KAZN: variants seen among roughly 807,000 people sequenced by gnomAD.
KAZN encodes the protein kazrin.
KAZN carries 40 observed loss-of-function variants against 87.4 expected under a neutral mutation model. The ratio of observed to expected loss-of-function variants is 0.46; its 90% CI spans 0.36 to 0.60. The LOEUF (loss-of-function observed/expected upper bound fraction) is 0.60, where lower values mean the gene tolerates loss of function less well. KAZN is among the 20% of genes least tolerant of loss of function. KAZN has a pLI of 0.00. For synonymous variants in KAZN, 466 were observed against 458.3 expected (o/e 1.02, Z -0.22); for missense variants, 898 against 1,073.9 (o/e 0.84, Z 2.29).
At chr1:14,409,425 G>C (rs1004027632) in intron 2 of KAZN, among the ~76,000 whole-genome samples, 51 of 152,188 alleles carry the variant, frequency 3.4e-4, no homozygotes, top group Non-Finnish European at 1.2e-4. Context: ...AAGACAACAA[G>C]AGCGCTTGAG....
chr1:14,154,978 CT>C (rs1645560566), intron 1 of KAZN, among the ~76,000 whole-genome samples: 1 of 150,336 alleles, frequency 6.7e-6, no homozygotes, highest in Non-Finnish European at 1.5e-5. Context: ...TCCTTCCTTC[CT>C]TCCTTCCTTC....
chr1:14,051,212 C>G (rs1196233386), intron 1 of KAZN, among the ~76,000 whole-genome samples: 1 of 152,170 alleles, frequency 6.6e-6, no homozygotes, highest in East Asian at 1.9e-4. Flanking sequence ...AAGACTTAGA[C>G]ATCAAGGGTG....
intron 2 of KAZN, among the ~76,000 whole-genome samples, chr1:14,467,664 A>T: frequency 7.2e-6 from 1 of 138,486 alleles, no homozygotes; most frequent in Non-Finnish European, 1.5e-5. Flanking sequence ...TGATTCATGT[A>T]TCCAAAAGGC....
At chr1:14,100,037 A>G (rs893537436) in intron 1 of KAZN, among the ~76,000 whole-genome samples, 11 of 152,304 alleles carry the variant, frequency 7.2e-5, no homozygotes, top group South Asian at 6.2e-4. Flanking sequence ...GAGAATGGCC[A>G]TGAAAGTTGC....
intron 1 of KAZN, among the ~76,000 whole-genome samples, chr1:14,160,185 T>G (rs543490994): frequency 6.6e-6 from 1 of 152,330 alleles, no homozygotes; most frequent in African/African-American, 2.4e-5. Context: ...TCAGGTTTAT[T>G]TAAGGCCCCA....
At chr1:14,229,017 C>T (rs1157925024) in intron 2 of KAZN, among the ~76,000 whole-genome samples, 1 of 152,224 alleles carries the variant, frequency 6.6e-6, no homozygotes, top group Non-Finnish European at 1.5e-5. Context: ...TGTGATTCAA[C>T]TGAAGCAAGT....
At chr1:14,376,840 T>C (rs569799210) in intron 2 of KAZN, among the ~76,000 whole-genome samples, 33 of 152,322 alleles carry the variant, frequency 2.2e-4, no homozygotes, top group African/African-American at 6.5e-4. Context: ...TATAAAATAA[T>C]TGCATCAAGG....
intron 1 of KAZN, among the ~76,000 whole-genome samples, chr1:14,685,042 T>A (rs1416480425): frequency 2.0e-5 from 3 of 152,210 alleles, no homozygotes; most frequent in Non-Finnish European, 4.4e-5. Flanking sequence ...AAAACTCGTA[T>A]CTGAGGCTCT....
chr1:14,276,160 GGTGTGTGTGTGTGTGTGTGTGTGT>G (rs5772575), intron 2 of KAZN, among the ~76,000 whole-genome samples: 3 of 135,692 alleles, frequency 2.2e-5, no homozygotes, highest in African/African-American at 5.2e-5. Context: ...TCGCTATAAG[GGTGTGTGTGTGTGTGTGTGTGTGT>G]GTGTGTGTGT....
intron 1 of KAZN, among the ~76,000 whole-genome samples, chr1:13,947,447 G>A (rs886904090): frequency 3.9e-5 from 6 of 152,094 alleles, no homozygotes; most frequent in Admixed American, 1.3e-4. Flanking sequence ...TGACACCTGG[G>A]CATGTGGGGA....
chr1:14,742,379 G>C (rs1454412974), intron 1 of KAZN, among the ~76,000 whole-genome samples: 1 of 152,230 alleles, frequency 6.6e-6, no homozygotes, highest in Non-Finnish European at 1.5e-5. Flanking sequence ...GCACAAAATA[G>C]AAGCTTATTC....
chr1:14,737,199 C>T (rs549681439), intron 1 of KAZN, among the ~76,000 whole-genome samples: 2 of 133,228 alleles, frequency 1.5e-5, no homozygotes, highest in South Asian at 2.4e-4. Flanking sequence ...GGGGAAGGCA[C>T]GCACGGAGAC....
intron 2 of KAZN, among the ~76,000 whole-genome samples, chr1:14,430,436 G>C (rs757255998): frequency 1.3e-5 from 2 of 152,216 alleles, no homozygotes; most frequent in African/African-American, 4.8e-5. Flanking sequence ...TTAGCCAAGG[G>C]TCTGGCTTTC....
At chr1:14,847,810 G>A (rs912827296) in intron 1 of KAZN, among the ~76,000 whole-genome samples, 3 of 152,048 alleles carry the variant, frequency 2.0e-5, no homozygotes, top group Non-Finnish European at 4.4e-5. Flanking sequence ...TTGAGACCTC[G>A]TCTCTACAAA....
At chr1:14,084,945 T>A (rs1643809640) in intron 1 of KAZN, among the ~76,000 whole-genome samples, 1 of 152,190 alleles carries the variant, frequency 6.6e-6, no homozygotes, top group South Asian at 2.1e-4. Context: ...TTCATGTATG[T>A]GTACATGCAT....
intron 1 of KAZN, among the ~76,000 whole-genome samples, chr1:14,101,278 T>C (rs1384144158): frequency 1.3e-5 from 2 of 152,232 alleles, no homozygotes; most frequent in Admixed American, 6.5e-5. Flanking sequence ...TATTACGTGC[T>C]TATTATGTGC....
chr1:13,902,250 G>T (rs1395786956), intron 1 of KAZN, among the ~76,000 whole-genome samples: 3 of 152,262 alleles, frequency 2.0e-5, no homozygotes, highest in Non-Finnish European at 4.4e-5. Context: ...TCTTCTGAAA[G>T]TGCTGGGATT....
At chr1:14,933,246 C>G (rs905640628) in intron 1 of KAZN, among the ~76,000 whole-genome samples, 1 of 152,146 alleles carries the variant, frequency 6.6e-6, no homozygotes, top group Non-Finnish European at 1.5e-5. Flanking sequence ...CATGTGCCAC[C>G]ACACCTGGCT....
chr1:15,034,264 A>G (rs539491700), intron 2 of KAZN, among the ~76,000 whole-genome samples: 4 of 152,286 alleles, frequency 2.6e-5, no homozygotes, highest in African/African-American at 9.6e-5. Context: ...CTTTTGGTAT[A>G]TGTCTTAGTG....
Sources: gnomAD v4.1 joint callset for allele counts (sites outside exome capture counted in the v4.1 genomes callset) on GRCh38, gnomAD v4.1.1 for gene constraint, MANE v1.5 for transcripts, NCBI Gene and HGNC (gene_info 2026-07-23, HGNC 2026-07-21) for gene names.